PDE4D: variants seen among roughly 807,000 people sequenced by gnomAD.
PDE4D encodes the protein phosphodiesterase 4D.
In PDE4D, 24 loss-of-function variants were observed where a neutral mutation model predicts 87.4. That is an observed-to-expected ratio of 0.27 (90% CI 0.20 to 0.39). PDE4D has a LOEUF of 0.39. PDE4D is among the 10% of genes least tolerant of loss of function. The pLI is 1.00. For synonymous variants in PDE4D, 384 were observed against 383.2 expected, an observed-to-expected ratio of 1.00 and a Z score of -0.02; for missense variants, 714 against 1,041.0, an observed-to-expected ratio of 0.69 and a Z score of 4.32.
intron 6 of PDE4D, among the ~76,000 whole-genome samples, chr5:59,030,708 AC>A (rs1449253854): frequency 2.8e-4 from 43 of 152,244 alleles, no homozygotes; most frequent in African/African-American, 1.0e-3. Flanking sequence ...TCCAGCCTGA[AC>A]AAAAGAGCAA....
chr5:59,683,848 T>C (rs1303705479), intron 1 of PDE4D, among the ~76,000 whole-genome samples: 1 of 152,190 alleles, frequency 6.6e-6, no homozygotes, highest in East Asian at 1.9e-4. Context: ...ATAACAGAAT[T>C]ATATACATCA....
chr5:59,864,578 G>A (rs1372226461), intron 1 of PDE4D, among the ~76,000 whole-genome samples: 1 of 152,150 alleles, frequency 6.6e-6, no homozygotes, highest in Non-Finnish European at 1.5e-5. Flanking sequence ...ACTATGCTTA[G>A]CAAAGAGCTG....
intron 1 of PDE4D, chr5:59,218,132 T>C: frequency 7.0e-6 from 2 of 284,432 alleles, no homozygotes; most frequent in Non-Finnish European, 1.4e-5. Context: ...AAGAAGATAG[T>C]CATGGCAGCT....
chr5:59,664,621 A>C (rs1175598787), intron 1 of PDE4D, among the ~76,000 whole-genome samples: 2 of 152,208 alleles, frequency 1.3e-5, no homozygotes, highest in Non-Finnish European at 2.9e-5. Flanking sequence ...AGTTTTGTGA[A>C]AAATTTCATT....
intron 1 of PDE4D, among the ~76,000 whole-genome samples, chr5:59,416,848 G>T (rs2153624693): frequency 6.6e-6 from 1 of 152,134 alleles, no homozygotes. Context: ...TAGAATAATT[G>T]AGGTCATTGG....
intron 1 of PDE4D, among the ~76,000 whole-genome samples, chr5:59,291,743 T>G (rs781754085): frequency 0.068 from 10,228 of 149,772 alleles, 447 homozygotes; most frequent in South Asian, 0.13. Context: ...AAGAAGTTTT[T>G]TTTTTTTTTT....
intron 1 of PDE4D, among the ~76,000 whole-genome samples, chr5:59,486,933 GAACTT>G (rs770697717): frequency 4.6e-5 from 7 of 152,126 alleles, no homozygotes; most frequent in Admixed American, 6.5e-5. Context: ...CCTGCATCAA[GAACTT>G]AACTTTAAGA....
At chr5:59,078,603 A>G (rs969930029) in intron 5 of PDE4D, among the ~76,000 whole-genome samples, 4 of 151,846 alleles carry the variant, frequency 2.6e-5, no homozygotes, top group African/African-American at 9.7e-5. Context: ...CAGCTTCCCA[A>G]GCTCAGGTGA....
chr5:59,768,710 AC>A, intron 1 of PDE4D: 1 of 1,289,628 alleles, frequency 7.8e-7, no homozygotes, highest in South Asian at 1.6e-5. Flanking sequence ...ATTAAACGTC[AC>A]CCCTCCTCTC....
At chr5:60,326,900 A>G (rs1252725976) in intron 1 of PDE4D, among the ~76,000 whole-genome samples, 1 of 152,144 alleles carries the variant, frequency 6.6e-6, no homozygotes, top group African/African-American at 2.4e-5. Context: ...ATGTATTTTC[A>G]CTGAGGTAGA....
chr5:59,238,473 A>G (rs1330070105), intron 1 of PDE4D, among the ~76,000 whole-genome samples: 4 of 152,196 alleles, frequency 2.6e-5, no homozygotes, highest in South Asian at 4.1e-4. Context: ...AACATAATGA[A>G]GCATCAGCTC....
At chr5:59,568,674 T>C (rs951359815) in intron 1 of PDE4D, among the ~76,000 whole-genome samples, 2 of 151,858 alleles carry the variant, frequency 1.3e-5, no homozygotes, top group Non-Finnish European at 2.9e-5. Flanking sequence ...TCATGAAAAA[T>C]CAATCAGAAA....
chr5:58,992,042 A>G, intron 7 of PDE4D, 38 bp from the exon 8 acceptor site: 1 of 1,265,378 alleles, frequency 7.9e-7, no homozygotes, highest in Non-Finnish European at 1.1e-6. Flanking sequence ...TTTATTATTA[A>G]TTCTATCTGT....
At chr5:59,448,449 C>T (rs1798656264) in intron 1 of PDE4D, among the ~76,000 whole-genome samples, 1 of 152,144 alleles carries the variant, frequency 6.6e-6, no homozygotes. Context: ...TTTGAATTTT[C>T]AATACATCTG....
intron 1 of PDE4D, among the ~76,000 whole-genome samples, chr5:59,303,380 G>A (rs963277148): frequency 6.6e-6 from 1 of 152,074 alleles, no homozygotes; most frequent in Non-Finnish European, 1.5e-5. Flanking sequence ...CCCTGCAAAA[G>A]CTCGTAAAGT....
At chr5:59,296,034 G>A (rs368109885) in intron 1 of PDE4D, among the ~76,000 whole-genome samples, 1 of 151,782 alleles carries the variant, frequency 6.6e-6, no homozygotes. Flanking sequence ...GAAGTTATAT[G>A]TGAGATCTTT....
intron 1 of PDE4D, among the ~76,000 whole-genome samples, chr5:60,295,249 G>A (rs1192714277): frequency 6.6e-6 from 1 of 152,134 alleles, no homozygotes; most frequent in Non-Finnish European, 1.5e-5. Flanking sequence ...CCCCTTTATG[G>A]AAGCTATTCC....
At chr5:59,781,096 G>A (rs1386069111) in intron 1 of PDE4D, among the ~76,000 whole-genome samples, 1 of 148,668 alleles carries the variant, frequency 6.7e-6, no homozygotes, top group Non-Finnish European at 1.5e-5. Flanking sequence ...AACCTGGGAG[G>A]CAGAGGTTAT....
At chr5:60,315,312 C>T (rs534802885) in intron 1 of PDE4D, among the ~76,000 whole-genome samples, 41 of 152,208 alleles carry the variant, frequency 2.7e-4, no homozygotes, top group African/African-American at 7.0e-4. Flanking sequence ...TCATATCCTT[C>T]GCCTATTTGT....
Sources: allele counts gnomAD v4.1 joint callset (sites outside exome capture counted in the v4.1 genomes callset), GRCh38; gene constraint gnomAD v4.1.1; transcripts MANE v1.5; gene names NCBI Gene and HGNC (gene_info 2026-07-23, HGNC 2026-07-21).